PRR16: variants seen among roughly 807,000 people sequenced by gnomAD.
PRR16 encodes the protein proline rich 16, also known as protein Largen.
In PRR16, 6 loss-of-function variants were observed where a neutral mutation model predicts 18.2. The ratio of observed to expected loss-of-function variants is 0.33; its 90% CI spans 0.18 to 0.65. PRR16 has a LOEUF of 0.65. Ranked by LOEUF, PRR16 falls within the 30% of genes least tolerant of loss-of-function variation. PRR16 has a pLI of 0.74. For missense variants in PRR16, 412 were observed against 376.6 expected (o/e 1.09, Z -0.78); for synonymous variants, 151 against 147.8 (o/e 1.02, Z -0.16).
At chr5:120,603,446 C>T (rs956930511) in intron 1 of PRR16, among the ~76,000 whole-genome samples, 4 of 152,028 alleles carry the variant, frequency 2.6e-5, no homozygotes, top group Non-Finnish European at 4.4e-5. Context: ...TTTGAATCTT[C>T]TCTCTTTCTT....
At chr5:120,737,118 C>T in the PRR16 span, among the ~76,000 whole-genome samples, 1 of 151,850 alleles carries the variant, frequency 6.6e-6, no homozygotes, top group African/African-American at 2.4e-5. Context: ...TTTTCTTTGC[C>T]TAACTGCTCT....
chr5:120,611,742 C>G (rs1172093889), intron 1 of PRR16, among the ~76,000 whole-genome samples: 1 of 152,218 alleles, frequency 6.6e-6, no homozygotes, highest in Non-Finnish European at 1.5e-5. Context: ...CATGGAGAAC[C>G]TCTGCTAGGG....
At chr5:120,742,466 C>T in the PRR16 span, among the ~76,000 whole-genome samples, 2 of 149,814 alleles carry the variant, frequency 1.3e-5, no homozygotes, top group African/African-American at 2.4e-5. Flanking sequence ...TATTAGCTAC[C>T]CCTTGATCTC....
At chr5:120,500,853 A>G (rs1322353909) in intron 1 of PRR16, among the ~76,000 whole-genome samples, 1 of 152,126 alleles carries the variant, frequency 6.6e-6, no homozygotes, top group East Asian at 1.9e-4. Flanking sequence ...ATAATTTATT[A>G]AGTTCTTGCT....
intron 1 of PRR16, 92 bp from the exon 2 acceptor site, chr5:120,685,862 C>A: frequency 7.7e-7 from 1 of 1,298,872 alleles, no homozygotes; most frequent in Non-Finnish European, 1.1e-6. Context: ...TTAAGGCTTC[C>A]ATAGCAGATT....
the PRR16 span, among the ~76,000 whole-genome samples, chr5:120,696,302 A>G: frequency 2.6e-5 from 4 of 151,882 alleles, no homozygotes; most frequent in Non-Finnish European, 5.9e-5. Context: ...AAAAATTCAC[A>G]AACAAAACAA....
chr5:120,536,840 C>T (rs1751732858), intron 1 of PRR16, among the ~76,000 whole-genome samples: 1 of 152,204 alleles, frequency 6.6e-6, no homozygotes, highest in East Asian at 1.9e-4. Context: ...TAAAAATACA[C>T]ATCATGGAAT....
intron 1 of PRR16, among the ~76,000 whole-genome samples, chr5:120,644,631 A>G (rs966307805): frequency 1.3e-5 from 2 of 152,144 alleles, no homozygotes; most frequent in African/African-American, 4.8e-5. Flanking sequence ...AAAATATTTC[A>G]TAATCTTTTT....
chr5:120,771,957 AAAAG>A, the PRR16 span, among the ~76,000 whole-genome samples: 5 of 152,260 alleles, frequency 3.3e-5, no homozygotes, highest in South Asian at 2.1e-4. Context: ...AAACTGGAAT[AAAAG>A]AAAGCTATAA....
At chr5:120,736,793 A>G in the PRR16 span, among the ~76,000 whole-genome samples, 2 of 152,062 alleles carry the variant, frequency 1.3e-5, no homozygotes, top group African/African-American at 4.8e-5. Flanking sequence ...TTTTTAGTGC[A>G]TAAGTCTTTT....
At chr5:120,602,916 A>G (rs530449328) in intron 1 of PRR16, among the ~76,000 whole-genome samples, 3 of 152,252 alleles carry the variant, frequency 2.0e-5, no homozygotes, top group South Asian at 4.1e-4. Context: ...GATAAAGCCT[A>G]CTTAATCATG....
At chr5:120,632,232 A>G (rs1335147762) in intron 1 of PRR16, among the ~76,000 whole-genome samples, 1 of 152,162 alleles carries the variant, frequency 6.6e-6, no homozygotes, top group Non-Finnish European at 1.5e-5. Context: ...AAGAATCTGA[A>G]CAGCAACCCA....
intron 1 of PRR16, among the ~76,000 whole-genome samples, chr5:120,677,850 C>A (rs1465042213): frequency 1.3e-5 from 2 of 149,066 alleles, no homozygotes; most frequent in Non-Finnish European, 3.0e-5. Flanking sequence ...AAAGTATATA[C>A]TTAAACTCTC....
intron 1 of PRR16, among the ~76,000 whole-genome samples, chr5:120,664,194 A>G (rs560417697): frequency 2.6e-5 from 4 of 151,986 alleles, no homozygotes; most frequent in African/African-American, 9.6e-5. Context: ...AGCTACTCAG[A>G]ATGCTGAGGC....
chr5:120,763,516 C>G, the PRR16 span, among the ~76,000 whole-genome samples: 2 of 152,036 alleles, frequency 1.3e-5, no homozygotes, highest in Non-Finnish European at 2.9e-5. Flanking sequence ...GTCCTTTTTG[C>G]TCAGGATTGC....
chr5:120,761,528 C>T, the PRR16 span, among the ~76,000 whole-genome samples: 1 of 151,994 alleles, frequency 6.6e-6, no homozygotes, highest in Non-Finnish European at 1.5e-5. Context: ...TTAGAGGTTG[C>T]AAAATTATAC....
chr5:120,703,134 GT>G, the PRR16 span, among the ~76,000 whole-genome samples: 7 of 152,090 alleles, frequency 4.6e-5, no homozygotes, highest in East Asian at 9.7e-4. Context: ...GTCAAAGGGG[GT>G]TTGTTCTCTG....
intron 1 of PRR16, among the ~76,000 whole-genome samples, chr5:120,469,475 G>T (rs542130167): frequency 6.6e-6 from 1 of 150,976 alleles, no homozygotes; most frequent in Admixed American, 6.7e-5. Context: ...GGCATGCGCC[G>T]CCATGCCTGG....
At chr5:120,527,221 A>T (rs1751403150) in intron 1 of PRR16, among the ~76,000 whole-genome samples, 1 of 152,214 alleles carries the variant, frequency 6.6e-6, no homozygotes, top group Non-Finnish European at 1.5e-5. Context: ...CACAATTTTA[A>T]TGATGAAATT....
Sources: allele counts gnomAD v4.1 joint callset (sites outside exome capture counted in the v4.1 genomes callset), GRCh38; gene constraint gnomAD v4.1.1; transcripts MANE v1.5; gene names NCBI Gene and HGNC (gene_info 2026-07-23, HGNC 2026-07-21).